Variants in DSCAM observed in about 807,000 individuals in gnomAD.
DSCAM encodes the protein cell adhesion molecule DSCAM.
Under a neutral mutation model 217.7 loss-of-function variants are expected in DSCAM, and 47 were observed. The observed-to-expected ratio is 0.22, with a 90% CI of 0.17 to 0.28. The LOEUF (loss-of-function observed/expected upper bound fraction) is 0.28, where lower values mean the gene tolerates loss of function less well. Ranked by LOEUF, DSCAM falls within the 10% of genes least tolerant of loss-of-function variation. The pLI, the probability that DSCAM is intolerant of heterozygous loss-of-function variation, is 1.00. For synonymous variants in DSCAM, 1,056 were observed against 1,015.3 expected (o/e 1.04, Z -0.76); for missense variants, 2,080 against 2,618.3 (o/e 0.79, Z 4.49).
At position 40,319,458 on chromosome 21, in the gene DSCAM, T is replaced by A. The variant is rs185205497; in HGVS notation, c.1784-7099A>T. The stretch of plus-strand genomic sequence containing the variant: ...GTGCATGTGTGTGTGTGTGTATGTG[T>A]GTGTGACATTCTCTTTATCCATTCA... On this transcript the variant is annotated intron_variant, in intron 8 of 32. Transcript: ENST00000400454. Among the ~76,000 whole-genome samples the A allele has an allele frequency of 2.8e-3, 426 of 152,288 alleles. 2 individuals are homozygous for A. The highest frequency in any genetic ancestry group is 9.9e-3 in the African/African-American group (411 of 41,562).
At chr21:40,044,879 G>A (rs1004152867) in intron 30 of DSCAM, among the ~76,000 whole-genome samples, 1 of 152,170 alleles carries the variant, frequency 6.6e-6, no homozygotes, top group Non-Finnish European at 1.5e-5. Context: ...GTGTTGTTAT[G>A]CGTGAATCAC....
At chr21:40,343,545 T>C (rs1334223508) in intron 6 of DSCAM, among the ~76,000 whole-genome samples, 2 of 152,202 alleles carry the variant, frequency 1.3e-5, no homozygotes, top group African/African-American at 2.4e-5. Context: ...AGATAATCAA[T>C]TGGATTTGCT....
intron 3 of DSCAM, among the ~76,000 whole-genome samples, chr21:40,637,508 AATATATAAATATATATAAATATATAC>A (rs2089807135): frequency 7.8e-5 from 2 of 25,672 alleles, no homozygotes; most frequent in East Asian, 2.3e-3. Flanking sequence ...AATATATATA[AATATATAAATATATATAAATATATAC>A]ATATATACAT....
At chr21:40,135,115 A>C (rs1286510443) in intron 18 of DSCAM, among the ~76,000 whole-genome samples, 1 of 152,198 alleles carries the variant, frequency 6.6e-6, no homozygotes, top group Non-Finnish European at 1.5e-5. Flanking sequence ...TCGCCTTCAG[A>C]GCATGAGAAG....
chr21:40,148,251 C>T (rs540673201), intron 16 of DSCAM, among the ~76,000 whole-genome samples: 3 of 151,890 alleles, frequency 2.0e-5, no homozygotes, highest in Non-Finnish European at 4.4e-5. Context: ...AATTGTTGCA[C>T]CTGAGGAAGA....
intron 1 of DSCAM, among the ~76,000 whole-genome samples, chr21:40,738,356 T>C (rs1184529179): frequency 6.6e-6 from 1 of 152,174 alleles, no homozygotes; most frequent in Non-Finnish European, 1.5e-5. Flanking sequence ...CCAGAGCTGG[T>C]TCTGTAACCA....
Position 40,166,040 on chromosome 21 carries a change from G to A in DSCAM, c.3018+1178C>T, listed in dbSNP as rs78376720. 4.7e-3 allele frequency among the ~76,000 whole-genome samples: 717 copies of A among 152,270 alleles called. 3 individuals carry two copies. The highest frequency in any genetic ancestry group is 0.018 in the South Asian group (88 of 4,824). The stretch of plus-strand genomic sequence containing the variant: ...AACTCATTGGCTGCGGTTGAGAAAC[G>A]CTGACACAAAGGGGCTCGCTGCATT... On this transcript the variant is annotated intron_variant, in intron 16 of 32. Coordinates refer to ENST00000400454, the MANE Select transcript of DSCAM (RefSeq NM_001389.5).
At chr21:40,500,518 T>C (rs1272070070) in intron 3 of DSCAM, among the ~76,000 whole-genome samples, 1 of 152,218 alleles carries the variant, frequency 6.6e-6, no homozygotes, top group Non-Finnish European at 1.5e-5. Flanking sequence ...ACTTTTCTTT[T>C]TCTAATTCAC....
rs372886630 is a variant in DSCAM at position 40,042,459 on chromosome 21, C to A, written c.5598G>T (p.Ser1866=). The A allele has an allele frequency of 2.5e-6, 4 of 1,614,140 alleles. No homozygotes were observed. Among genetic ancestry groups the A allele is most frequent in the Non-Finnish European group, 3.4e-6 (4 of 1,180,010 alleles). ...GAGATGCAGTGAACCTGCAGATTCC[C>A]GATTCGGAAGGGGTGCTGGAGGTCA... is the stretch of plus-strand genomic sequence containing the variant. ...DSLTSSTPSE[S]GICRFTASPP... is the part of the protein sequence containing the mutation. The change falls in exon 32 of 33, where the codon TCG becomes TCT. Residue 1866 remains serine, a synonymous_variant. Coordinates refer to ENST00000400454, the MANE Select transcript of DSCAM (RefSeq NM_001389.5).
At chr21:40,750,541 C>T (rs1046851804) in intron 1 of DSCAM, among the ~76,000 whole-genome samples, 2 of 152,116 alleles carry the variant, frequency 1.3e-5, no homozygotes, top group African/African-American at 4.8e-5. Context: ...CTCACCCGTT[C>T]TGAAGGTTTT....
At chr21:40,235,863 T>G (rs2091425694) in intron 11 of DSCAM, among the ~76,000 whole-genome samples, 1 of 151,726 alleles carries the variant, frequency 6.6e-6, no homozygotes, top group Non-Finnish European at 1.5e-5. Flanking sequence ...TAAACGTATG[T>G]TTGTATCATC....
rs749058682 is a variant in DSCAM at position 40,134,017 on chromosome 21, A to G, written c.3407-8T>C. On this transcript the variant is annotated splice_polypyrimidine_tract_variant and splice_region_variant and intron_variant, in intron 18 of 32. Coordinates refer to ENST00000400454, the MANE Select transcript of DSCAM (RefSeq NM_001389.5). ...TTTTAATCTCACCCAGCTCTGGAGGACAAGAACAAGAAAACAAAATCCCAC... is the reference window on the plus strand; with the variant it reads ...TTTTAATCTCACCCAGCTCTGGAGGGCAAGAACAAGAAAACAAAATCCCAC... 16 of 1,600,866 alleles carry G rather than the reference A, an allele frequency of 1.0e-5. No individual in the cohort carries two copies. The Admixed American group carries it at 2.8e-4, about 28-fold the overall frequency.
At chr21:40,094,670 T>C (rs148870178) in intron 20 of DSCAM, among the ~76,000 whole-genome samples, 389 of 152,260 alleles carry the variant, frequency 2.6e-3, no homozygotes, top group African/African-American at 9.2e-3. Context: ...TCCTCGAGCA[T>C]TGGGTATAGT....
chr21:40,237,008 T>G (rs1555893016), intron 11 of DSCAM, among the ~76,000 whole-genome samples: 1 of 152,204 alleles, frequency 6.6e-6, no homozygotes, highest in Non-Finnish European at 1.5e-5. Context: ...GCGCTAGCTC[T>G]TCAACAATTC....
intron 32 of DSCAM, among the ~76,000 whole-genome samples, chr21:40,033,278 T>C (rs1051734322): frequency 1.7e-4 from 26 of 152,068 alleles, no homozygotes; most frequent in African/African-American, 5.6e-4. Flanking sequence ...TTCATCTCAC[T>C]AGGGAGTGCC....
At chr21:40,411,175 TACACAC>T (rs902494368) in intron 3 of DSCAM, among the ~76,000 whole-genome samples, 783 of 45,118 alleles carry the variant, frequency 0.017, 9 homozygotes, top group African/African-American at 0.052. Flanking sequence ...AGTAATTATA[TACACAC>T]ACACACACAC....
At chr21:40,346,327 T>C (rs1428892898) in intron 6 of DSCAM, among the ~76,000 whole-genome samples, 1 of 152,164 alleles carries the variant, frequency 6.6e-6, no homozygotes, top group East Asian at 1.9e-4. Context: ...AACGATTGAA[T>C]CAAAATAGGA....
intron 27 of DSCAM, among the ~76,000 whole-genome samples, chr21:40,074,371 A>G (rs1447885005): frequency 6.6e-6 from 1 of 152,236 alleles, no homozygotes; most frequent in Non-Finnish European, 1.5e-5. Context: ...CATATTTGAA[A>G]TAACTCCCTG....
At chr21:40,589,258 T>C (rs1264903162) in intron 3 of DSCAM, among the ~76,000 whole-genome samples, 2 of 152,222 alleles carry the variant, frequency 1.3e-5, no homozygotes, top group African/African-American at 4.8e-5. Context: ...CCATGCTTTC[T>C]ATCTAAACAA....
Sources: gnomAD v4.1 joint callset for allele counts (sites outside exome capture counted in the v4.1 genomes callset) on GRCh38, gnomAD v4.1.1 for gene constraint, MANE v1.5 for transcripts, NCBI Gene and HGNC (gene_info 2026-07-23, HGNC 2026-07-21) for gene names.